SMIM7: variants seen among roughly 807,000 people sequenced by gnomAD.
SMIM7 encodes UPF0608 protein C19orf42.
SMIM7 carries 12 observed loss-of-function variants against 13.3 expected under a neutral mutation model. The ratio of observed to expected loss-of-function variants is 0.90; its 90% CI spans 0.58 to 1.46. The LOEUF (loss-of-function observed/expected upper bound fraction) is 1.46, where lower values mean the gene tolerates loss of function less well. Among genes scored for constraint, SMIM7 ranks in the 40% most tolerant of loss-of-function variants. The pLI is 0.00. For synonymous variants in SMIM7, 36 were observed against 35.8 expected (o/e 1.01, Z -0.02); for missense variants, 114 against 94.8 (o/e 1.20, Z -0.84).
intron 4 of SMIM7, chr19:16,653,085 C>T (rs555011063): frequency 1.7e-4 from 199 of 1,153,118 alleles, no homozygotes; most frequent in Non-Finnish European, 2.3e-4. Context: ...TTTTCCACCT[C>T]GGCAGATGCA....
At chr19:16,648,976 C>T (rs1309041869) in intron 4 of SMIM7, among the ~76,000 whole-genome samples, 1 of 152,182 alleles carries the variant, frequency 6.6e-6, no homozygotes, top group Non-Finnish European at 1.5e-5. Context: ...GATTGTGCCA[C>T]TGTACTCCAG....
intron 4 of SMIM7, chr19:16,640,433 C>G (rs1463777574): frequency 2.0e-5 from 3 of 152,170 alleles, no homozygotes; most frequent in African/African-American, 4.8e-5. Flanking sequence ...GGAGGCCTGT[C>G]AAATATTTCA....
At chr19:16,643,484 C>T (rs112505531), downstream of SMIM7, among the ~76,000 whole-genome samples, 11 of 152,290 alleles carry the variant, frequency 7.2e-5, no homozygotes, top group African/African-American at 2.6e-4. Context: ...GTAACCTCCG[C>T]CTCCCGAGTT....
chr19:16,656,898 CA>C (rs796950207), intron 3 of SMIM7, among the ~76,000 whole-genome samples: 29 of 137,332 alleles, frequency 2.1e-4, no homozygotes, highest in Middle Eastern at 3.8e-3. Context: ...GGCTCCATCT[CA>C]AAAAAAAAAA....
At chr19:16,644,353 C>G (rs540554319), downstream of SMIM7, among the ~76,000 whole-genome samples, 16 of 151,636 alleles carry the variant, frequency 1.1e-4, no homozygotes, top group African/African-American at 3.9e-4. Flanking sequence ...AACTCCTGAC[C>G]ACAGGTGACC....
Position 16,660,016 on chromosome 19 carries a change from T to A in SMIM7, c.27-16A>T. The A allele has an allele frequency of 6.2e-7, 1 of 1,613,994 alleles. No homozygotes were observed. The highest frequency in any genetic ancestry group is 8.5e-7 in the Non-Finnish European group (1 of 1,179,994). ...CAGCAACGTCCTGCAGAGGGAGAAT[T>A]ACAGTTACTAGGGGCGCCCCCGCGT... is the stretch of plus-strand genomic sequence containing the variant. On this transcript the variant is annotated splice_polypyrimidine_tract_variant and intron_variant, in intron 1 of 4. Transcript: ENST00000487416.
At chr19:16,649,548 T>C (rs551629209) in intron 4 of SMIM7, among the ~76,000 whole-genome samples, 1 of 152,116 alleles carries the variant, frequency 6.6e-6, no homozygotes, top group Admixed American at 6.6e-5. Context: ...ACTCCAGCCT[T>C]GGCAACAGAG....
At chr19:16,633,362 A>T (rs2086335692) in intron 4 of SMIM7, among the ~76,000 whole-genome samples, 2 of 151,628 alleles carry the variant, frequency 1.3e-5, no homozygotes, top group African/African-American at 4.9e-5. Context: ...AGGCTGAGGC[A>T]GAAGAATCAC....
chr19:16,653,055 T>C, intron 4 of SMIM7: 1 of 1,393,512 alleles, frequency 7.2e-7, no homozygotes, highest in Non-Finnish European at 9.7e-7. Flanking sequence ...TCTGGCAGTG[T>C]GCTGGACATT....
intron 3 of SMIM7, among the ~76,000 whole-genome samples, chr19:16,654,715 A>C (rs2086574583): frequency 6.6e-6 from 1 of 152,112 alleles, no homozygotes; most frequent in Admixed American, 6.6e-5. Context: ...AAAGAAGACT[A>C]TTTTGTGAGA....
chr19:16,644,377 C>T (rs2122506921), downstream of SMIM7, among the ~76,000 whole-genome samples: 1 of 151,552 alleles, frequency 6.6e-6, no homozygotes, highest in South Asian at 2.1e-4. Flanking sequence ...CCACTTTGGC[C>T]TCCCAAAATG....
intron 4 of SMIM7, among the ~76,000 whole-genome samples, chr19:16,635,899 A>AATATATATAT (rs1170352437): frequency 1.5e-4 from 16 of 109,576 alleles, no homozygotes; most frequent in African/African-American, 3.5e-4. Context: ...AAAAAAAAAA[A>AATATATATAT]ATATATATAT....
intron 4 of SMIM7, among the ~76,000 whole-genome samples, chr19:16,650,709 CAAA>C (rs571019127): frequency 2.0e-5 from 2 of 98,140 alleles, no homozygotes; most frequent in Non-Finnish European, 2.3e-5. Context: ...GACTCCACCT[CAAA>C]AAAAAAAAAA....
chr19:16,645,882 G>A (rs1040644260), downstream of SMIM7: 1 of 151,694 alleles, frequency 6.6e-6, no homozygotes, highest in Non-Finnish European at 1.5e-5. Flanking sequence ...GGCTAGTTTC[G>A]AACTCCTGAC....
chr19:16,657,980 A>G (rs965454877), intron 3 of SMIM7, among the ~76,000 whole-genome samples: 2 of 152,212 alleles, frequency 1.3e-5, no homozygotes, highest in Admixed American at 1.3e-4. Context: ...GGCTGCAGTG[A>G]GCTATGACTG....
At chr19:16,648,089 C>T (rs1305139116) in intron 4 of SMIM7, among the ~76,000 whole-genome samples, 6 of 152,152 alleles carry the variant, frequency 3.9e-5, no homozygotes, top group Admixed American at 3.3e-4. Context: ...CTATAATACC[C>T]AAAGCACAAG....
chr19:16,640,479 T>C (rs1467621593), intron 4 of SMIM7: 1 of 152,272 alleles, frequency 6.6e-6, no homozygotes, highest in Non-Finnish European at 1.5e-5. Context: ...AATGAAATGG[T>C]TGAAATGAAA....
chr19:16,648,416 CA>C (rs1454725556), intron 4 of SMIM7, among the ~76,000 whole-genome samples: 7 of 151,994 alleles, frequency 4.6e-5, no homozygotes, highest in Admixed American at 2.0e-4. Flanking sequence ...GCTGGGTTTA[CA>C]GGCATGAGCC....
intron 4 of SMIM7, chr19:16,652,849 G>T: frequency 6.5e-7 from 1 of 1,550,250 alleles, no homozygotes; most frequent in South Asian, 1.2e-5. Flanking sequence ...AGATTCTCCC[G>T]TCGTGTCTTT....
Sources: allele counts gnomAD v4.1 joint callset (sites outside exome capture counted in the v4.1 genomes callset), GRCh38; gene constraint gnomAD v4.1.1; transcripts MANE v1.5; gene names NCBI Gene and HGNC (gene_info 2026-07-23, HGNC 2026-07-21).